The following PLXNA4 variants were observed in gnomAD, a reference collection of about 807,000 sequenced individuals.
PLXNA4 encodes plexin A4, also known as plexin-A4.
Under a neutral mutation model 191.8 loss-of-function variants are expected in PLXNA4, and 44 were observed. The ratio of observed to expected loss-of-function variants is 0.23; its 90% confidence interval spans 0.18 to 0.29. The LOEUF is 0.29. PLXNA4 is among the 10% of genes least tolerant of loss of function. PLXNA4 has a pLI of 1.00. For synonymous variants in PLXNA4, 1,082 were observed against 1,009.5 expected (o/e 1.07, Z -1.36); for missense variants, 1,800 against 2,488.8 (o/e 0.72, Z 5.89).
At chr7:132,534,997 G>T (rs937098397) in intron 1 of PLXNA4, among the ~76,000 whole-genome samples, 1 of 152,134 alleles carries the variant, frequency 6.6e-6, no homozygotes, top group African/African-American at 2.4e-5. Context: ...GTGGCTTTAA[G>T]GCCTTCCTAT....
intron 1 of PLXNA4, among the ~76,000 whole-genome samples, chr7:132,514,020 A>G (rs954602485): frequency 5.3e-5 from 8 of 149,920 alleles, no homozygotes; most frequent in Non-Finnish European, 8.9e-5. Flanking sequence ...AAATACTAGT[A>G]TGTCACATAG....
intron 22 of PLXNA4, 133 bp downstream of exon 22, chr7:132,168,171 T>C: frequency 7.7e-7 from 1 of 1,304,694 alleles, no homozygotes; most frequent in Non-Finnish European, 9.9e-7. Context: ...TAGTCCTGGC[T>C]CTGGGCTAGT....
At chr7:132,216,178 A>G (rs1403821935) in intron 9 of PLXNA4, among the ~76,000 whole-genome samples, 1 of 152,258 alleles carries the variant, frequency 6.6e-6, no homozygotes, top group African/African-American at 2.4e-5. Flanking sequence ...AGGATTGGAG[A>G]ATTGCTTGGT....
chr7:132,440,370 A>G (rs1795650815), intron 3 of PLXNA4, among the ~76,000 whole-genome samples: 1 of 152,180 alleles, frequency 6.6e-6, no homozygotes, highest in African/African-American at 2.4e-5. Context: ...TACTCTCCCC[A>G]CACCCAGCCC....
chr7:132,615,779 GTGCACACACACACTCATGCACA>G (rs1271970002), intron 2 of PLXNA4, among the ~76,000 whole-genome samples: 1 of 152,026 alleles, frequency 6.6e-6, no homozygotes, highest in East Asian at 1.9e-4. Context: ...GTGCACGTGG[GTGCACACACACACTCATGCACA>G]TGCACACACA....
chr7:132,491,106 G>A (rs574217492), intron 2 of PLXNA4, among the ~76,000 whole-genome samples: 5 of 152,242 alleles, frequency 3.3e-5, no homozygotes, highest in Admixed American at 6.5e-5. Flanking sequence ...GAGTTACTCC[G>A]TTTTCCTGTG....
At chr7:132,205,751 GGAGGGA>G (rs1797595999) in intron 10 of PLXNA4, among the ~76,000 whole-genome samples, 11 of 152,188 alleles carry the variant, frequency 7.2e-5, no homozygotes, top group Non-Finnish European at 2.9e-5. Flanking sequence ...CTGACCTGTA[GGAGGGA>G]TGCTGACAGT....
At chr7:132,486,189 C>T (rs1018018912) in intron 3 of PLXNA4, among the ~76,000 whole-genome samples, 13 of 152,298 alleles carry the variant, frequency 8.5e-5, no homozygotes, top group Admixed American at 2.6e-4. Context: ...ATTATTCTCA[C>T]GCCCTGGCCT....
chr7:132,489,568 A>G (rs528092276), intron 2 of PLXNA4, 94 bp from the exon 3 acceptor site: 40 of 1,106,146 alleles, frequency 3.6e-5, no homozygotes, highest in Non-Finnish European at 4.6e-5. Context: ...AAGAATCCTT[A>G]GAGATGAAAC....
At chr7:132,220,514 C>T (rs576213575) in intron 9 of PLXNA4, among the ~76,000 whole-genome samples, 1 of 152,304 alleles carries the variant, frequency 6.6e-6, no homozygotes, top group African/African-American at 2.4e-5. Context: ...CCTGCCATGG[C>T]CTGCCAGGCT....
intron 9 of PLXNA4, among the ~76,000 whole-genome samples, chr7:132,213,991 T>C (rs1797884051): frequency 6.6e-6 from 1 of 152,142 alleles, no homozygotes; most frequent in African/African-American, 2.4e-5. Flanking sequence ...AAGGAGAAAC[T>C]GAGGCAAGGA....
At chr7:132,135,727 G>T (rs540263639) in intron 30 of PLXNA4, among the ~76,000 whole-genome samples, 1 of 152,174 alleles carries the variant, frequency 6.6e-6, no homozygotes, top group East Asian at 1.9e-4. Context: ...TGAGAGTAGG[G>T]TAGGACAGGG....
At chr7:132,591,532 T>TTAC (rs1802603310) in intron 2 of PLXNA4, among the ~76,000 whole-genome samples, 2 of 152,224 alleles carry the variant, frequency 1.3e-5, no homozygotes, top group African/African-American at 4.8e-5. Flanking sequence ...GTTGTGCATA[T>TTAC]AATATACATA....
At chr7:132,547,496 G>T (rs558239159) in intron 1 of PLXNA4, among the ~76,000 whole-genome samples, 1 of 152,210 alleles carries the variant, frequency 6.6e-6, no homozygotes, top group South Asian at 2.1e-4. Flanking sequence ...CTTCGCTAGG[G>T]TGCTCCTGAA....
chr7:132,385,122 T>C, intron 3 of PLXNA4: 2 of 1,594,594 alleles, frequency 1.3e-6, no homozygotes, highest in South Asian at 2.3e-5. Context: ...GTCTCATCTG[T>C]TTCCATTTTC....
At chr7:132,487,587 A>G (rs1004862242) in intron 3 of PLXNA4, among the ~76,000 whole-genome samples, 4 of 152,206 alleles carry the variant, frequency 2.6e-5, no homozygotes, top group Non-Finnish European at 5.9e-5. Context: ...CGTGTCAGAC[A>G]CAATTTCAGA....
At chr7:132,223,665 C>A in intron 8 of PLXNA4, 24 bp from the exon 9 acceptor site, 1 of 1,591,946 alleles carries the variant, frequency 6.3e-7, no homozygotes, top group South Asian at 1.1e-5. Flanking sequence ...AAGGGAGGCA[C>A]AAATCTAAGA....
chr7:132,418,980 C>G (rs917152531), intron 3 of PLXNA4, among the ~76,000 whole-genome samples: 2 of 152,174 alleles, frequency 1.3e-5, no homozygotes, highest in African/African-American at 4.8e-5. Flanking sequence ...AAACACAGAG[C>G]CTTCTGGGAT....
At chr7:132,481,615 A>G (rs1000572734) in intron 3 of PLXNA4, among the ~76,000 whole-genome samples, 2 of 152,196 alleles carry the variant, frequency 1.3e-5, no homozygotes, top group Non-Finnish European at 2.9e-5. Context: ...AAAGCTCAGT[A>G]GTTCCCTCTG....
Sources: gnomAD v4.1 joint callset for allele counts (sites outside exome capture counted in the v4.1 genomes callset) on GRCh38, gnomAD v4.1.1 for gene constraint, MANE v1.5 for transcripts, NCBI Gene and HGNC (gene_info 2026-07-23, HGNC 2026-07-21) for gene names.